Variants in LRP1B observed in about 807,000 individuals in gnomAD.
LRP1B encodes the protein low-density lipoprotein receptor-related protein 1B.
Under a neutral mutation model 556.6 loss-of-function variants are expected in LRP1B, and 217 were observed. That is an observed-to-expected ratio of 0.39 (90% CI 0.35 to 0.44). The LOEUF (loss-of-function observed/expected upper bound fraction) is 0.44. Among genes scored for constraint, LRP1B ranks in the 20% least tolerant of loss-of-function variants. The pLI is 1.00. For synonymous variants in LRP1B, 2,047 were observed against 1,865.8 expected, an observed-to-expected ratio of 1.10 and a Z score of -2.50; for missense variants, 5,053 against 5,620.8, an observed-to-expected ratio of 0.90 and a Z score of 3.23.
At chr2:142,044,633 T>G (rs1444707029) in intron 1 of LRP1B, among the ~76,000 whole-genome samples, 2 of 151,784 alleles carry the variant, frequency 1.3e-5, no homozygotes, top group Admixed American at 6.6e-5. Context: ...AAATTTTTTT[T>G]TGTGGATTAC....
At chr2:141,869,993 A>AT (rs1260395128) in intron 1 of LRP1B, among the ~76,000 whole-genome samples, 1 of 151,962 alleles carries the variant, frequency 6.6e-6, no homozygotes, top group African/African-American at 2.4e-5. Flanking sequence ...AAGGATCACA[A>AT]TTTTTTTCCT....
chr2:141,134,552 T>C (rs931186879), intron 7 of LRP1B, among the ~76,000 whole-genome samples: 4 of 151,788 alleles, frequency 2.6e-5, no homozygotes, highest in Non-Finnish European at 5.9e-5. Flanking sequence ...AATATAACCT[T>C]CTCTTTGGAG....
intron 2 of LRP1B, among the ~76,000 whole-genome samples, chr2:141,664,303 A>G (rs951928459): frequency 6.6e-6 from 1 of 152,200 alleles, no homozygotes; most frequent in African/African-American, 2.4e-5. Flanking sequence ...AGCAGAACAC[A>G]AGGATGCCCT....
intron 43 of LRP1B, among the ~76,000 whole-genome samples, chr2:140,549,996 C>T (rs1173865897): frequency 1.3e-5 from 2 of 152,110 alleles, no homozygotes; most frequent in East Asian, 3.9e-4. Flanking sequence ...TCCTAACACT[C>T]TCCCTCCCCT....
chr2:140,750,995 T>C (rs970055398), intron 35 of LRP1B, among the ~76,000 whole-genome samples: 9 of 145,516 alleles, frequency 6.2e-5, no homozygotes, highest in African/African-American at 2.3e-4. Context: ...TTTTTTCTTT[T>C]TTTTTTTTTT....
At chr2:141,170,307 C>A (rs1369351785) in intron 7 of LRP1B, among the ~76,000 whole-genome samples, 1 of 152,026 alleles carries the variant, frequency 6.6e-6, no homozygotes, top group African/African-American at 2.4e-5. Flanking sequence ...TGATTTCTCT[C>A]ATTCTGGTCT....
intron 41 of LRP1B, among the ~76,000 whole-genome samples, chr2:140,662,811 G>A (rs1685142575): frequency 6.6e-6 from 1 of 152,080 alleles, no homozygotes; most frequent in African/African-American, 2.4e-5. Context: ...CATTCCTTCT[G>A]ACAGAAATTT....
At chr2:140,420,247 G>T (rs1685379884) in intron 66 of LRP1B, among the ~76,000 whole-genome samples, 1 of 152,024 alleles carries the variant, frequency 6.6e-6, no homozygotes, top group Non-Finnish European at 1.5e-5. Flanking sequence ...AATTTGAACA[G>T]ATTCTTTACT....
chr2:141,023,769 G>A (rs181331147), intron 11 of LRP1B, among the ~76,000 whole-genome samples: 2 of 152,004 alleles, frequency 1.3e-5, no homozygotes, highest in African/African-American at 4.8e-5. Flanking sequence ...CAGAATTTGA[G>A]GCATATAATA....
chr2:140,622,721 G>A (rs1683499136), intron 41 of LRP1B, among the ~76,000 whole-genome samples: 1 of 152,042 alleles, frequency 6.6e-6, no homozygotes, highest in African/African-American at 2.4e-5. Context: ...CAATAACGAG[G>A]GGTAATACAA....
intron 2 of LRP1B, among the ~76,000 whole-genome samples, chr2:141,535,944 G>C (rs995870115): frequency 6.6e-6 from 1 of 152,058 alleles, no homozygotes; most frequent in Non-Finnish European, 1.5e-5. Flanking sequence ...CATAGCCTAA[G>C]TTTATATCTC....
At chr2:141,696,006 A>T (rs1691722894) in intron 2 of LRP1B, among the ~76,000 whole-genome samples, 1 of 152,004 alleles carries the variant, frequency 6.6e-6, no homozygotes, top group Non-Finnish European at 1.5e-5. Flanking sequence ...AAAATCTTGT[A>T]TATCAAAACC....
chr2:140,826,165 T>G (rs1392577552), intron 31 of LRP1B, among the ~76,000 whole-genome samples: 1 of 152,198 alleles, frequency 6.6e-6, no homozygotes, highest in Non-Finnish European at 1.5e-5. Flanking sequence ...TTTCAGGATC[T>G]CATAAGTCAA....
intron 3 of LRP1B, among the ~76,000 whole-genome samples, chr2:141,384,018 C>CA (rs774311512): frequency 6.6e-6 from 1 of 152,058 alleles, no homozygotes; most frequent in African/African-American, 2.4e-5. Flanking sequence ...CACTCACACA[C>CA]AAAAAAGCTA....
chr2:140,932,608 A>G (rs77245864), intron 20 of LRP1B, among the ~76,000 whole-genome samples: 4,985 of 152,100 alleles, frequency 0.033, 155 homozygotes, highest in East Asian at 0.12. Flanking sequence ...CACAGTGGCT[A>G]ATTCCTTTAA....
intron 32 of LRP1B, among the ~76,000 whole-genome samples, chr2:140,810,840 G>A (rs897018083): frequency 1.6e-4 from 25 of 151,966 alleles, no homozygotes; most frequent in African/African-American, 5.3e-4. Context: ...AGGTTCAAGC[G>A]ATTCTCCTGC....
At chr2:140,282,411 G>A (rs1359479345) in intron 84 of LRP1B, among the ~76,000 whole-genome samples, 1 of 151,730 alleles carries the variant, frequency 6.6e-6, no homozygotes, top group African/African-American at 2.4e-5. Flanking sequence ...CAAACAAGAG[G>A]TAGAACAGAA....
At chr2:141,181,269 A>C (rs2105172397) in intron 7 of LRP1B, among the ~76,000 whole-genome samples, 1 of 152,080 alleles carries the variant, frequency 6.6e-6, no homozygotes. Flanking sequence ...TATCCTGGAA[A>C]GAATACACTA....
chr2:142,010,756 A>G (rs558875207), intron 1 of LRP1B, among the ~76,000 whole-genome samples: 2 of 152,058 alleles, frequency 1.3e-5, no homozygotes, highest in East Asian at 3.9e-4. Flanking sequence ...CACAACTACT[A>G]TCAGCTCAGC....
Sources: gnomAD v4.1 joint callset for allele counts (sites outside exome capture counted in the v4.1 genomes callset) on GRCh38, gnomAD v4.1.1 for gene constraint, MANE v1.5 for transcripts, NCBI Gene and HGNC (gene_info 2026-07-23, HGNC 2026-07-21) for gene names.